Variants in RNMT observed in about 807,000 individuals in gnomAD.
The protein encoded by RNMT is mRNA cap guanine-N(7) methyltransferase.
A neutral mutation model predicts 56.0 loss-of-function variants in RNMT; 27 were observed. The observed-to-expected ratio is 0.48, with a 90% CI of 0.36 to 0.67. RNMT has a LOEUF of 0.67. RNMT is among the 30% of genes least tolerant of loss of function. The pLI is 0.00. For synonymous variants in RNMT, 184 were observed against 176.2 expected, an observed-to-expected ratio of 1.04 and a Z score of -0.35; for missense variants, 519 against 552.1, an observed-to-expected ratio of 0.94 and a Z score of 0.60.
chr18:13,748,015 G>C (rs1003372064), intron 9 of RNMT, among the ~76,000 whole-genome samples: 4 of 152,168 alleles, frequency 2.6e-5, no homozygotes, highest in Non-Finnish European at 4.4e-5. Context: ...AATCTACTTA[G>C]GTATGGTAGG....
At chr18:13,748,946 G>C (rs2044395468) in intron 9 of RNMT, among the ~76,000 whole-genome samples, 2 of 152,124 alleles carry the variant, frequency 1.3e-5, no homozygotes, top group Non-Finnish European at 2.9e-5. Context: ...AGGTGTGGTG[G>C]TGCATACTTG....
intron 9 of RNMT, among the ~76,000 whole-genome samples, chr18:13,752,028 G>A (rs747656587): frequency 6.6e-5 from 10 of 152,186 alleles, no homozygotes; most frequent in South Asian, 2.1e-4. Flanking sequence ...TAAATGATGA[G>A]TTGATGGGTG....
intron 4 of RNMT, among the ~76,000 whole-genome samples, chr18:13,735,705 C>T (rs1254549769): frequency 6.6e-6 from 1 of 151,724 alleles, no homozygotes; most frequent in Non-Finnish European, 1.5e-5. Flanking sequence ...CCATATTTTC[C>T]ACATTGTTAC....
chr18:13,758,795 G>A (rs913767023), intron 11 of RNMT, among the ~76,000 whole-genome samples: 3 of 152,096 alleles, frequency 2.0e-5, no homozygotes, highest in Non-Finnish European at 4.4e-5. Context: ...TACATGCCTT[G>A]TTCACTAAGC....
chr18:13,739,920 A>G (rs2044224522), intron 5 of RNMT, among the ~76,000 whole-genome samples: 1 of 152,240 alleles, frequency 6.6e-6, no homozygotes, highest in African/African-American at 2.4e-5. Flanking sequence ...TTTTACTTTG[A>G]ATAAGCATTT....
At chr18:13,755,463 A>G (rs989880501) in intron 11 of RNMT, among the ~76,000 whole-genome samples, 11 of 152,220 alleles carry the variant, frequency 7.2e-5, no homozygotes, top group African/African-American at 2.7e-4. Context: ...AAGACTAACA[A>G]CTTAGCTAAG....
intron 4 of RNMT, among the ~76,000 whole-genome samples, chr18:13,735,828 C>G (rs2044150113): frequency 6.6e-6 from 1 of 152,102 alleles, no homozygotes; most frequent in Non-Finnish European, 1.5e-5. Flanking sequence ...TTCAGCTGTT[C>G]TAGCAGCTCT....
At chr18:13,752,034 G>A (rs923779115) in intron 9 of RNMT, among the ~76,000 whole-genome samples, 1 of 152,000 alleles carries the variant, frequency 6.6e-6, no homozygotes. Context: ...ATGAGTTGAT[G>A]GGTGCAGCAA....
intron 1 of RNMT, among the ~76,000 whole-genome samples, chr18:13,728,300 CT>C (rs1204415985): frequency 9.1e-5 from 10 of 109,616 alleles, no homozygotes; most frequent in South Asian, 6.8e-4. Context: ...TCATCAGCAT[CT>C]TTTTTTTTTT....
At chr18:13,755,910 T>C (rs545537366) in intron 11 of RNMT, among the ~76,000 whole-genome samples, 4 of 152,264 alleles carry the variant, frequency 2.6e-5, no homozygotes, top group African/African-American at 9.6e-5. Context: ...AATGAAAAAT[T>C]AGATGGCCCC....
chr18:13,738,167 C>T (rs1422475096), intron 5 of RNMT, among the ~76,000 whole-genome samples: 2 of 151,870 alleles, frequency 1.3e-5, no homozygotes, highest in Non-Finnish European at 2.9e-5. Flanking sequence ...TTTTATGAGC[C>T]CTGTATACTT....
Position 13,740,217 on chromosome 18 carries a change from A to G in RNMT, c.730A>G (p.Lys244Glu). ...GTGTCAGCAGCGGTATGAGGACATG[A>G]AAAATCGTCGTGATAGTGAATATAT... ...KQCQQRYEDMKNRRDSEYIFS... is the reference protein window; with the variant it reads ...KQCQQRYEDMENRRDSEYIFS... The change falls in exon 6 of 12, where the codon AAA (lysine) becomes GAA (glutamate). Residue 244 changes from lysine to glutamate, a missense_variant. Transcript: ENST00000383314. 6.2e-7 allele frequency: 1 copy of G among 1,613,340 alleles called. No individual in the cohort carries two copies. The highest frequency in any genetic ancestry group is 1.3e-5 in the African/African-American group (1 of 75,042).
At position 13,734,535 on chromosome 18, in the gene RNMT, G is replaced by A. The variant is rs779145599; in HGVS notation, c.489G>A (p.Lys163=). 9.3e-6 allele frequency: 15 copies of A among 1,613,682 alleles called. No individual in the cohort carries two copies. Among genetic ancestry groups the A allele is most frequent in the Admixed American group, 1.7e-5 (1 of 60,014 alleles). Residue 163 remains lysine, a synonymous_variant, in exon 4 of 12, where the codon AAG becomes AAA. Transcript: ENST00000383314. ...AACTTCAGGAAGTTGGTTTGGAGAA[G>A]CGTAGTCAAAGTCGTATTTTTTACC... The part of the protein sequence containing the change: ...YNELQEVGLE[K]RSQSRIFYLR...
chr18:13,750,925 A>G (rs911952515), intron 9 of RNMT, among the ~76,000 whole-genome samples: 2 of 152,216 alleles, frequency 1.3e-5, no homozygotes, highest in African/African-American at 4.8e-5. Context: ...TAGAAAGCTG[A>G]AACTGGATCC....
intron 11 of RNMT, among the ~76,000 whole-genome samples, chr18:13,758,205 C>A (rs994036011): frequency 9.2e-5 from 14 of 152,184 alleles, no homozygotes; most frequent in African/African-American, 3.1e-4. Context: ...GATAAATGAG[C>A]ATTGGCTTCA....
rs1356463069 is a variant in RNMT at position 13,760,058 on chromosome 18, TTCTC to T, written c.*81_*84del. The T allele has an allele frequency of 6.4e-7, 1 of 1,551,568 alleles. No individual in the cohort carries two copies. The highest frequency in any genetic ancestry group is 1.4e-5 in the African/African-American group (1 of 73,242). On this transcript the variant is annotated 3_prime_UTR_variant, in exon 12 of 12. Coordinates refer to ENST00000383314, the MANE Select transcript of RNMT (RefSeq NM_003799.3). ...CAACTCATCTCGATATATTTGATATTTCTCTGTCTGTTGATTTTAATTCTAAATG... is the reference window on the plus strand; with the variant it reads ...CAACTCATCTCGATATATTTGATATTTGTCTGTTGATTTTAATTCTAAATG...
chr18:13,737,728 A>T (rs1367444055), intron 5 of RNMT, among the ~76,000 whole-genome samples: 1 of 152,032 alleles, frequency 6.6e-6, no homozygotes, highest in Non-Finnish European at 1.5e-5. Context: ...AAAAAAAAAT[A>T]GCAGTTGGAC....
At chr18:13,736,845 G>T (rs2044165701) in intron 4 of RNMT, among the ~76,000 whole-genome samples, 165 bp from the exon 5 acceptor site, 1 of 151,998 alleles carries the variant, frequency 6.6e-6, no homozygotes, top group African/African-American at 2.4e-5. Context: ...TCAACTCTTA[G>T]TCATATTTTT....
chr18:13,739,123 AG>A lies in RNMT; in HGVS notation c.680-1043del, dbSNP rs200185646. 4.1e-3 allele frequency among the ~76,000 whole-genome samples: 622 copies of A among 152,328 alleles called. 4 individuals carry two copies. The highest frequency in any genetic ancestry group is 0.029 in the East Asian group (151 of 5,180). On this transcript the variant is annotated intron_variant, in intron 5 of 11. Coordinates refer to ENST00000383314, the MANE Select transcript of RNMT (RefSeq NM_003799.3). ...GAAGTCTGCATAACCGTAGTTTGTC[AG>A]TCATTCAAGTCAAAATAATTTTCTC... is the stretch of plus-strand genomic sequence containing the variant.
Sources: gnomAD v4.1 joint callset for allele counts (sites outside exome capture counted in the v4.1 genomes callset) on GRCh38, gnomAD v4.1.1 for gene constraint, MANE v1.5 for transcripts, NCBI Gene and HGNC (gene_info 2026-07-23, HGNC 2026-07-21) for gene names.